ACSL3: variants seen among roughly 807,000 people sequenced by gnomAD.
ACSL3 encodes acyl-CoA synthetase long chain family member 3.
Under a neutral mutation model 84.7 loss-of-function variants are expected in ACSL3, and 34 were observed. That is an observed-to-expected ratio of 0.40 (90% CI 0.31 to 0.53). The LOEUF is 0.53. ACSL3 is among the 20% of genes least tolerant of loss of function. The pLI is 0.48. For synonymous variants in ACSL3, 315 were observed against 299.4 expected (o/e 1.05, Z -0.54); for missense variants, 680 against 873.1 (o/e 0.78, Z 2.79).
Position 222,933,252 on chromosome 2 carries a change from G to A in ACSL3, c.1819G>A (p.Val607Ile), listed in dbSNP as rs1697077711. 2 of 1,613,330 alleles carry A rather than the reference G, an allele frequency of 1.2e-6. No individual in the cohort carries two copies. Among genetic ancestry groups the A allele is most frequent in the Non-Finnish European group, 1.7e-6 (2 of 1,179,654 alleles). The change falls in exon 15 of 17, where the codon GTA (valine) becomes ATA (isoleucine). Residue 607 changes from valine (V) to isoleucine (I), a missense_variant. By Grantham distance (29) the Val-to-Ile change is conservative. Transcript: ENST00000357430. ...GGCAGCTTTGAAGAATCTTCCACTA[G>A]TAGATAACATTTGTGCATATGCAAA... ...VEAALKNLPL[V>I]DNICAYANSY... is the part of the protein sequence containing the mutation.
rs1696739404 is a variant in ACSL3, at chr2:222,921,546, T to C, written c.956+116T>C. 5 of 999,076 alleles carry C rather than the reference T, an allele frequency of 5.0e-6. No homozygotes were observed. The South Asian group carries it at 1.5e-4, about 29-fold the overall frequency. The allele number at this position is 999,076 out of a possible 1,614,324, so 61.9% of individuals were successfully genotyped here. On this transcript the variant is annotated intron_variant, in intron 8 of 16. Transcript: ENST00000357430. ...TTAGTCCCTCAGAGTCTGTTTGTAG[T>C]AGGCATTTCCTTAAAAAATAAAAAA...
chr2:222,918,912 G>A, intron 6 of ACSL3, 152 bp from the exon 7 acceptor site: 1 of 833,160 alleles, frequency 1.2e-6, no homozygotes, highest in Non-Finnish European at 1.8e-6. Context: ...TTAATCATCT[G>A]TAAAAAGTGA....
At chr2:222,903,146 T>A (rs1211974417) in intron 3 of ACSL3, among the ~76,000 whole-genome samples, 1 of 149,832 alleles carries the variant, frequency 6.7e-6, no homozygotes, top group African/African-American at 2.5e-5. Flanking sequence ...TTGATTTTCT[T>A]TTTTTTTTTG....
rs571521478 is a variant in ACSL3 at position 222,900,708 on chromosome 2, C to T, written c.-113C>T. 6.6e-6 allele frequency: 1 copy of T among 152,320 alleles called. No homozygotes were observed. Among genetic ancestry groups the T allele is most frequent in the East Asian group, 1.9e-4 (1 of 5,186 alleles). The allele number at this position is 152,320 out of a possible 1,614,324, so 9.4% of individuals were successfully genotyped here. On this transcript the variant is annotated 5_prime_UTR_variant, in exon 3 of 17. Coordinates refer to ENST00000357430, the MANE Select transcript of ACSL3 (RefSeq NM_004457.5). Reference sequence around the variant, plus strand: ...TCGTTGTTGGGAAGGACTGGGGAAACAGCTGTAACATTTGCCACCCTCAGA... The same window carrying T: ...TCGTTGTTGGGAAGGACTGGGGAAATAGCTGTAACATTTGCCACCCTCAGA...
chr2:222,864,146 A>G (rs1303138030), intron 1 of ACSL3, among the ~76,000 whole-genome samples: 2 of 152,202 alleles, frequency 1.3e-5, no homozygotes, highest in Non-Finnish European at 2.9e-5. Flanking sequence ...GACCTATGCA[A>G]CTAAAGAGGT....
chr2:222,924,534 C>T lies in ACSL3; in HGVS notation c.1231C>T (p.Leu411=). The change falls in exon 11 of 17, where the codon CTG becomes TTG. Residue 411 remains leucine (L), a synonymous_variant. Coordinates refer to ENST00000357430, the MANE Select transcript of ACSL3 (RefSeq NM_004457.5). The part of the protein sequence containing the change: ...MSSFQRNLFI[L]AYNYKMEQIS... The stretch of plus-strand genomic sequence containing the variant: ...TAGTTTTCAACGTAATCTGTTTATT[C>T]TGGCCTATAATTACAAAATGGAACA... The T allele has an allele frequency of 6.2e-7, 1 of 1,610,954 alleles. No homozygotes were observed. Among genetic ancestry groups the T allele is most frequent in the Non-Finnish European group, 8.5e-7 (1 of 1,178,636 alleles).
intron 13 of ACSL3, 22 bp from the exon 14 acceptor site, chr2:222,930,599 A>C: frequency 6.5e-7 from 1 of 1,545,302 alleles, no homozygotes; most frequent in Non-Finnish European, 8.7e-7. Flanking sequence ...CTCAACTATT[A>C]ACTCAATTAT....
At chr2:222,940,475 CTTT>C (rs543017870) in intron 16 of ACSL3, among the ~76,000 whole-genome samples, 29 of 122,566 alleles carry the variant, frequency 2.4e-4, no homozygotes, top group East Asian at 4.7e-4. Flanking sequence ...TGGAACTTGT[CTTT>C]TTTTTTTTTT....
intron 1 of ACSL3, among the ~76,000 whole-genome samples, chr2:222,866,426 G>T (rs1695142571): frequency 6.6e-6 from 1 of 152,088 alleles, no homozygotes; most frequent in African/African-American, 2.4e-5. Context: ...ATTACAGGCT[G>T]GGAGCTACTG....
intron 4 of ACSL3, among the ~76,000 whole-genome samples, chr2:222,912,958 C>T (rs564177262): frequency 8.5e-5 from 13 of 152,224 alleles, no homozygotes; most frequent in Non-Finnish European, 1.6e-4. Context: ...GCACTAACGT[C>T]GTCTTGAAAT....
intron 4 of ACSL3, among the ~76,000 whole-genome samples, chr2:222,912,381 G>A (rs1329979190): frequency 6.6e-6 from 1 of 152,194 alleles, no homozygotes; most frequent in African/African-American, 2.4e-5. Flanking sequence ...TGCCTAGGGT[G>A]TTGAAAAGGG....
intron 1 of ACSL3, among the ~76,000 whole-genome samples, chr2:222,872,591 G>T (rs567557957): frequency 6.6e-6 from 1 of 152,166 alleles, no homozygotes; most frequent in East Asian, 1.9e-4. Context: ...AGACAAATAC[G>T]GCCCTTCCCT....
chr2:222,879,293 G>A (rs1005163703), intron 1 of ACSL3, among the ~76,000 whole-genome samples: 2 of 152,176 alleles, frequency 1.3e-5, no homozygotes, highest in Non-Finnish European at 2.9e-5. Context: ...ACTCCAGCCT[G>A]GGGGACAGAG....
rs76563938 is a variant in ACSL3 at position 222,867,936 on chromosome 2, C to T, written c.-207+6678C>T. 2.3e-4 allele frequency among the ~76,000 whole-genome samples: 35 copies of T among 150,254 alleles called. No homozygotes were observed. In the East Asian group the frequency reaches 6.0e-3, roughly 26 times the overall value. The stretch of plus-strand genomic sequence containing the variant: ...CAAAACTGTAATGGGCACTTTTCCT[C>T]GAAGGCTCTTTTTAGTAATCTTTAC... On this transcript the variant is annotated intron_variant, in intron 1 of 16. Coordinates refer to ENST00000357430, the MANE Select transcript of ACSL3 (RefSeq NM_004457.5).
chr2:222,867,050 G>C (rs1254246450), intron 1 of ACSL3, among the ~76,000 whole-genome samples: 1 of 151,866 alleles, frequency 6.6e-6, no homozygotes, highest in Non-Finnish European at 1.5e-5. Context: ...GGCCAGGCTG[G>C]TCTCTAACTC....
At chr2:222,878,346 A>T (rs576145609) in intron 1 of ACSL3, among the ~76,000 whole-genome samples, 34 of 152,320 alleles carry the variant, frequency 2.2e-4, no homozygotes, top group African/African-American at 7.5e-4. Context: ...AATGTAATTT[A>T]AAAAATTATG....
intron 3 of ACSL3, among the ~76,000 whole-genome samples, chr2:222,908,068 A>ACACGAGAGCG (rs1696341716): frequency 6.6e-6 from 1 of 152,186 alleles, no homozygotes; most frequent in Admixed American, 6.5e-5. Context: ...GTGGGAACTT[A>ACACGAGAGCG]GGCCGTTTTG....
chr2:222,908,656 T>C (rs1450021993), intron 3 of ACSL3, 77 bp from the exon 4 acceptor site: 7 of 1,034,326 alleles, frequency 6.8e-6, no homozygotes, highest in Non-Finnish European at 8.4e-6. Context: ...AAAAAAATCT[T>C]CATTTGCCGA....
Position 222,886,437 on chromosome 2 carries a change from C to T in ACSL3, c.-206-1393C>T, listed in dbSNP as rs186243100. Among the ~76,000 whole-genome samples, 430 of 152,152 alleles carry T rather than the reference C, an allele frequency of 2.8e-3. 1 individual carries two copies. The highest frequency in any genetic ancestry group is 3.7e-3 in the Non-Finnish European group (254 of 68,010). ...CTTTTTTATGGCTGCAAGGTCTGTCCGTTTTTACAAAAATTAATAACAAAT... is the reference window on the plus strand; with the variant it reads ...CTTTTTTATGGCTGCAAGGTCTGTCTGTTTTTACAAAAATTAATAACAAAT... On this transcript the variant is annotated intron_variant, in intron 1 of 16. Coordinates refer to ENST00000357430, the MANE Select transcript of ACSL3 (RefSeq NM_004457.5).
Sources: allele counts gnomAD v4.1 joint callset (sites outside exome capture counted in the v4.1 genomes callset), GRCh38; gene constraint gnomAD v4.1.1; transcripts MANE v1.5; gene names NCBI Gene and HGNC (gene_info 2026-07-23, HGNC 2026-07-21).